MLXIP: variants seen among roughly 807,000 people sequenced by gnomAD.
MLXIP encodes the protein MLX interacting protein.
MLXIP carries 30 observed loss-of-function variants against 87.2 expected under a neutral mutation model. That is an observed-to-expected ratio of 0.34 (90% CI 0.26 to 0.47). The LOEUF (loss-of-function observed/expected upper bound fraction) is 0.47, where lower values mean the gene tolerates loss of function less well. MLXIP is among the 20% of genes least tolerant of loss of function. MLXIP has a pLI of 1.00. For missense variants in MLXIP, 1,002 were observed against 1,240.1 expected (o/e 0.81, Z 2.88); for synonymous variants, 530 against 514.0 (o/e 1.03, Z -0.42).
chr12:122,127,053 C>T (rs73217796), intron 1 of MLXIP, among the ~76,000 whole-genome samples: 76,717 of 151,948 alleles, frequency 0.5, 19,875 homozygotes, highest in Middle Eastern at 0.64. Flanking sequence ...TCCTGCCCTC[C>T]GCGCCCTGAC....
rs1445087809 is a variant in MLXIP, at chr12:122,137,081, C to CT, written c.2033-386dup. 6.5e-6 allele frequency: 1 copy of CT among 152,762 alleles called. No individual in the cohort carries two copies. The highest frequency in any genetic ancestry group is 6.5e-5 in the Admixed American group (1 of 15,288). 9.5% of individuals were successfully genotyped at this position (152,762 alleles called of 1,614,324 possible). A position where few individuals can be genotyped will look rare whatever the true frequency, so the allele number is the denominator to read the frequency against. On this transcript the variant is annotated intron_variant, in intron 11 of 16. Transcript: ENST00000319080. This position sits in a 1 kb window ranked among gnomAD's most constrained non-coding sequence, Gnocchi z 4.1. ...TTGGGAGGCAGAGGCAGGTGGATCGCTTGAGCCCAGGAGATTGAGACCAGC... is the reference window on the plus strand; with the variant it reads ...TTGGGAGGCAGAGGCAGGTGGATCGCTTTGAGCCCAGGAGATTGAGACCAGC...
intron 1 of MLXIP, among the ~76,000 whole-genome samples, chr12:122,104,147 A>C (rs1189994031): frequency 6.6e-6 from 1 of 152,214 alleles, no homozygotes; most frequent in Non-Finnish European, 1.5e-5. Context: ...TAAAAACTTC[A>C]ATCAGCTCTA....
chr12:122,142,572 C>G lies in MLXIP; in HGVS notation c.*760C>G, dbSNP rs1953229420. ...ATTGCAGGATCCATGGGGACTCAGC[C>G]CAGGGCCTTCTCGGATGTCACCTCA... On this transcript the variant is annotated 3_prime_UTR_variant, in exon 17 of 17. Transcript: ENST00000319080. 6.1e-6 allele frequency: 2 copies of G among 327,306 alleles called. No homozygotes were observed. The highest frequency in any genetic ancestry group is 1.2e-5 in the Non-Finnish European group (2 of 165,512). The allele number at this position is 327,306 out of a possible 1,614,324, so 20.3% of individuals were successfully genotyped here. A position where few individuals can be genotyped will look rare whatever the true frequency, so the allele number is the denominator to read the frequency against.
chr12:122,132,649 G>A (rs180883373), intron 8 of MLXIP: 121 of 430,676 alleles, frequency 2.8e-4, no homozygotes, highest in Admixed American at 1.8e-3. Flanking sequence ...GCTCTGCTCC[G>A]ACTAATTAAC....
intron 1 of MLXIP, among the ~76,000 whole-genome samples, chr12:122,086,857 A>G (rs976851171): frequency 6.6e-6 from 1 of 152,160 alleles, no homozygotes; most frequent in African/African-American, 2.4e-5. Flanking sequence ...CTGTCCGGCC[A>G]GACGCCTTGA....
intron 5 of MLXIP, 124 bp from the exon 6 acceptor site, chr12:122,129,817 C>T: frequency 7.4e-7 from 1 of 1,350,720 alleles, no homozygotes; most frequent in Non-Finnish European, 1.0e-6. Flanking sequence ...CCAAATGCCT[C>T]CACCCTGCTG....
intron 1 of MLXIP, among the ~76,000 whole-genome samples, chr12:122,119,607 G>A (rs1256523351): frequency 6.6e-6 from 1 of 152,148 alleles, no homozygotes; most frequent in Non-Finnish European, 1.5e-5. Context: ...TAGCCAGGAT[G>A]GTCTCGATCT....
rs550398453 is a variant in MLXIP at position 122,147,209 on chromosome 12, C to G, written c.*5397C>G. The G allele has an allele frequency of 2.0e-5, 3 of 152,158 alleles. No homozygotes were observed. Among genetic ancestry groups the G allele is most frequent in the Non-Finnish European group, 4.4e-5 (3 of 68,030 alleles). The allele number at this position is 152,158 out of a possible 1,614,324, so 9.4% of individuals were successfully genotyped here. ...TTGGCCAGAGGCCCCCTCCGGTCCACGTCACCCTGAGTACACCCCTCTGAT... is the reference window on the plus strand; with the variant it reads ...TTGGCCAGAGGCCCCCTCCGGTCCAGGTCACCCTGAGTACACCCCTCTGAT... On this transcript the variant is annotated 3_prime_UTR_variant, in exon 17 of 17. Coordinates refer to ENST00000319080, the MANE Select transcript of MLXIP (RefSeq NM_014938.6).
chr12:122,102,174 C>T (rs1196297253), intron 1 of MLXIP, among the ~76,000 whole-genome samples: 1 of 151,884 alleles, frequency 6.6e-6, no homozygotes, highest in African/African-American at 2.4e-5. Context: ...AATGGGAGAA[C>T]ATATTGGCAA....
At chr12:122,113,819 G>A (rs1952643549) in intron 1 of MLXIP, among the ~76,000 whole-genome samples, 4 of 151,458 alleles carry the variant, frequency 2.6e-5, no homozygotes, top group Non-Finnish European at 5.9e-5. Flanking sequence ...CGAGGAGCTG[G>A]GAGTACAGGC....
chr12:122,079,240 C>A lies in MLXIP; in HGVS notation c.387C>A (p.Leu129=). ...CCATCGACGCCTCGCTCACCAAGCT[C>A]TTCGAGTGCATGACTTTGGCCTACA... ...HLSIDASLTK[L]FECMTLAYSG... is the part of the protein sequence containing the mutation. Residue 129 remains leucine, a synonymous_variant, in exon 1 of 17, where the codon CTC becomes CTA. Transcript: ENST00000319080. 1.9e-6 allele frequency: 3 copies of A among 1,551,058 alleles called. No homozygotes were observed. Among genetic ancestry groups the A allele is most frequent in the Non-Finnish European group, 2.6e-6 (3 of 1,146,678 alleles).
At chr12:122,097,828 G>A (rs535903093) in intron 1 of MLXIP, among the ~76,000 whole-genome samples, 2 of 144,592 alleles carry the variant, frequency 1.4e-5, no homozygotes, top group Non-Finnish European at 3.0e-5. Flanking sequence ...TTTCCCTTTA[G>A]TTTTGGAATC....
chr12:122,130,778 C>G, intron 6 of MLXIP, 66 bp from the exon 7 acceptor site: 1 of 1,181,246 alleles, frequency 8.5e-7, no homozygotes, highest in East Asian at 2.3e-5. Flanking sequence ...TGTTCCAGGC[C>G]TTTTTTACGT....
At chr12:122,110,940 G>A (rs1271849908) in intron 1 of MLXIP, among the ~76,000 whole-genome samples, 1 of 151,888 alleles carries the variant, frequency 6.6e-6, no homozygotes, top group Non-Finnish European at 1.5e-5. Flanking sequence ...AGCCGGGCGT[G>A]GTGGCGGGCG....
intron 1 of MLXIP, among the ~76,000 whole-genome samples, chr12:122,102,654 G>A (rs999494078): frequency 1.3e-5 from 2 of 152,202 alleles, no homozygotes; most frequent in African/African-American, 2.4e-5. Flanking sequence ...GTTGGAAATA[G>A]TCTAAATGTC....
chr12:122,101,145 G>A (rs1952429863), intron 1 of MLXIP, among the ~76,000 whole-genome samples: 1 of 152,194 alleles, frequency 6.6e-6, no homozygotes, highest in Non-Finnish European at 1.5e-5. Context: ...TTATGAGATG[G>A]ACATTCACTT....
chr12:122,084,650 G>A (rs975251810), intron 1 of MLXIP, among the ~76,000 whole-genome samples: 4 of 152,124 alleles, frequency 2.6e-5, no homozygotes, highest in East Asian at 1.9e-4. Flanking sequence ...AGGTTCAAGC[G>A]ATTCTCCTGC....
chr12:122,124,466 C>T (rs1952847228), intron 1 of MLXIP, among the ~76,000 whole-genome samples: 1 of 134,552 alleles, frequency 7.4e-6, no homozygotes, highest in Admixed American at 7.9e-5. Flanking sequence ...CTCGGCTCTT[C>T]ACAGTGCAGA....
intron 1 of MLXIP, among the ~76,000 whole-genome samples, chr12:122,106,984 G>A (rs73217776): frequency 0.041 from 6,299 of 152,210 alleles, 216 homozygotes; most frequent in South Asian, 0.13. Flanking sequence ...TAGCTTCCGG[G>A]TGCAGGACTC....
Sources: allele counts gnomAD v4.1 joint callset (sites outside exome capture counted in the v4.1 genomes callset), GRCh38; gene constraint gnomAD v4.1.1; non-coding constraint Gnocchi (gnomAD v3.1); transcripts MANE v1.5; gene names NCBI Gene and HGNC (gene_info 2026-07-23, HGNC 2026-07-21).